BICC1: variants seen among roughly 807,000 people sequenced by gnomAD.
BICC1 encodes BicC family RNA binding protein 1, also known as protein bicaudal C homolog 1.
In BICC1, 43 loss-of-function variants were observed where a neutral mutation model predicts 111.0. The ratio of observed to expected loss-of-function variants is 0.39; its 90% CI spans 0.30 to 0.50. The LOEUF is 0.50. BICC1 is among the 20% of genes least tolerant of loss of function. The pLI is 0.88. For missense variants in BICC1, 1,091 were observed against 1,203.2 expected (o/e 0.91, Z 1.38); for synonymous variants, 467 against 434.4 (o/e 1.07, Z -0.93).
At chr10:58,702,993 A>C (rs1840284049) in intron 3 of BICC1, among the ~76,000 whole-genome samples, 1 of 152,048 alleles carries the variant, frequency 6.6e-6, no homozygotes, top group South Asian at 2.1e-4. Context: ...AAATGATAAC[A>C]CTGTAAGATT....
intron 19 of BICC1, among the ~76,000 whole-genome samples, chr10:58,818,499 T>C (rs138743112): frequency 6.6e-6 from 1 of 152,278 alleles, no homozygotes; most frequent in East Asian, 1.9e-4. Flanking sequence ...AGAGAACATC[T>C]GATTTAGTCA....
intron 20 of BICC1, chr10:58,823,765 G>C: frequency 1.0e-6 from 1 of 985,262 alleles, no homozygotes; most frequent in Non-Finnish European, 1.2e-6. Flanking sequence ...ATAGTCCCTA[G>C]CTTGAAGATG....
At chr10:58,801,195 G>T (rs1474314572) in intron 14 of BICC1, 149 bp downstream of exon 14, 2 of 643,286 alleles carry the variant, frequency 3.1e-6, no homozygotes. Flanking sequence ...AAATATTAAG[G>T]AATAATATCT....
At chr10:58,599,032 AC>A (rs1211690654) in intron 1 of BICC1, among the ~76,000 whole-genome samples, 1 of 151,912 alleles carries the variant, frequency 6.6e-6, no homozygotes, top group Non-Finnish European at 1.5e-5. Flanking sequence ...TGGAGAAATA[AC>A]CCTTTTACAC....
chr10:58,548,736 T>C (rs894630476), intron 1 of BICC1, among the ~76,000 whole-genome samples: 8 of 152,178 alleles, frequency 5.3e-5, no homozygotes, highest in African/African-American at 9.7e-5. Flanking sequence ...GTACATAATC[T>C]TTTCCTTGGC....
At chr10:58,694,784 T>C (rs183984880) in intron 2 of BICC1, among the ~76,000 whole-genome samples, 1 of 152,298 alleles carries the variant, frequency 6.6e-6, no homozygotes, top group East Asian at 1.9e-4. Context: ...GGTCATTTCA[T>C]CATTAATAAG....
At chr10:58,524,174 T>C (rs2131833456) in intron 1 of BICC1, among the ~76,000 whole-genome samples, 1 of 152,244 alleles carries the variant, frequency 6.6e-6, no homozygotes, top group Admixed American at 6.5e-5. Flanking sequence ...TACCAATGAC[T>C]TTCTTCACAG....
At chr10:58,607,569 C>T (rs991841567) in intron 1 of BICC1, among the ~76,000 whole-genome samples, 3 of 151,942 alleles carry the variant, frequency 2.0e-5, no homozygotes, top group African/African-American at 4.8e-5. Context: ...TTCTCCTCCT[C>T]CCCATTCTCT....
At chr10:58,651,402 A>G (rs1002233624) in intron 2 of BICC1, among the ~76,000 whole-genome samples, 3 of 152,202 alleles carry the variant, frequency 2.0e-5, no homozygotes, top group Non-Finnish European at 4.4e-5. Context: ...TACCAGCAGC[A>G]TCTGTGCTTC....
chr10:58,691,920 A>T (rs1433141982), intron 2 of BICC1, among the ~76,000 whole-genome samples: 1 of 152,184 alleles, frequency 6.6e-6, no homozygotes, highest in African/African-American at 2.4e-5. Flanking sequence ...TTACTCTGGT[A>T]AGCAGTCCAC....
At chr10:58,669,872 A>T (rs888932565) in intron 2 of BICC1, among the ~76,000 whole-genome samples, 4 of 152,138 alleles carry the variant, frequency 2.6e-5, no homozygotes, top group Admixed American at 2.6e-4. Context: ...TAATGATTTC[A>T]AACGGCATTA....
intron 1 of BICC1, among the ~76,000 whole-genome samples, chr10:58,548,336 T>C (rs551747391): frequency 2.0e-5 from 3 of 152,222 alleles, no homozygotes; most frequent in Non-Finnish European, 2.9e-5. Flanking sequence ...ACAGAGCTTA[T>C]GCACAGTGCC....
At chr10:58,578,766 A>G (rs911450514) in intron 1 of BICC1, among the ~76,000 whole-genome samples, 2 of 152,082 alleles carry the variant, frequency 1.3e-5, no homozygotes, top group African/African-American at 4.8e-5. Context: ...GAGAAACACC[A>G]TAACCCCTAT....
chr10:58,784,070 C>T (rs533630386), intron 3 of BICC1, among the ~76,000 whole-genome samples: 2 of 152,198 alleles, frequency 1.3e-5, no homozygotes, highest in Middle Eastern at 3.2e-3. Context: ...TGATACTCCT[C>T]AAGACTCTCT....
chr10:58,687,991 C>T (rs1165017466), intron 2 of BICC1, among the ~76,000 whole-genome samples: 2 of 152,064 alleles, frequency 1.3e-5, no homozygotes, highest in East Asian at 1.9e-4. Flanking sequence ...GAACCTCCCC[C>T]GAGTGTTACA....
In BICC1 at chr10:58,525,651, A is replaced by G. The variant is rs911596725; in HGVS notation, c.190+12318A>G. Among the ~76,000 whole-genome samples the G allele has an allele frequency of 4.7e-5, 7 of 149,050 alleles. 1 individual carries two copies. The highest frequency in any genetic ancestry group is 6.9e-3 in the Middle Eastern group (2 of 290). On this transcript the variant is annotated intron_variant, in intron 1 of 20. Transcript: ENST00000373886. ...TGGGTGCAGCACACCAACATGGCAC[A>G]TGTATACATATGTAACTAACCTGCA...
chr10:58,608,582 G>C (rs1308306340), intron 1 of BICC1, among the ~76,000 whole-genome samples: 2 of 152,132 alleles, frequency 1.3e-5, no homozygotes, highest in African/African-American at 4.8e-5. Context: ...AATCATCTGT[G>C]ACTCTTCTGT....
intron 1 of BICC1, among the ~76,000 whole-genome samples, chr10:58,549,285 T>C (rs1243225657): frequency 1.3e-5 from 2 of 152,184 alleles, no homozygotes; most frequent in Admixed American, 6.5e-5. Context: ...CAGGTGTTTA[T>C]GTTGACATAA....
chr10:58,744,368 A>C (rs117946057), intron 3 of BICC1, among the ~76,000 whole-genome samples: 88 of 152,150 alleles, frequency 5.8e-4, no homozygotes, highest in Non-Finnish European at 1.0e-3. Flanking sequence ...TTTTCTTCCA[A>C]AGAAAAATTT....
Sources: allele counts gnomAD v4.1 joint callset (sites outside exome capture counted in the v4.1 genomes callset), GRCh38; gene constraint gnomAD v4.1.1; transcripts MANE v1.5; gene names NCBI Gene and HGNC (gene_info 2026-07-23, HGNC 2026-07-21).